TMEM131L: variants seen among roughly 807,000 people sequenced by gnomAD.
The protein encoded by TMEM131L is transmembrane 131 like, also known as transmembrane protein 131-like.
In TMEM131L, 54 loss-of-function variants were observed where a neutral mutation model predicts 192.2. The observed-to-expected ratio is 0.28, with a 90% CI of 0.23 to 0.35. The LOEUF (loss-of-function observed/expected upper bound fraction) is 0.35. TMEM131L is among the 10% of genes least tolerant of loss of function. The pLI, the probability that TMEM131L is intolerant of heterozygous loss-of-function variation, is 1.00. For missense variants in TMEM131L, 1,888 were observed against 1,972.9 expected (o/e 0.96, Z 0.82); for synonymous variants, 701 against 704.9 (o/e 0.99, Z 0.09).
Position 153,591,156 on chromosome 4 carries a change from A to C in TMEM131L, c.1774A>C (p.Met592Leu). 2 of 1,610,000 alleles carry C rather than the reference A, an allele frequency of 1.2e-6. No homozygotes were observed. Among genetic ancestry groups the C allele is most frequent in the Non-Finnish European group, 1.7e-6 (2 of 1,177,612 alleles). ...TCGTTTGATCGCAGAGCCTGGCCTC[A>C]TGTTAAACTTCAGCGCAACTGCCCT... is the stretch of plus-strand genomic sequence containing the variant. Reference protein sequence around the residue: ...LPRLIAEPGLMLNFSATALRS... With the variant: ...LPRLIAEPGLLLNFSATALRS... The change falls in exon 17 of 35, where the codon ATG becomes CTG. Residue 592 changes from methionine to leucine, a missense_variant. By Grantham distance (15) the Met-to-Leu change is conservative. Coordinates refer to ENST00000409959, the MANE Select transcript of TMEM131L (RefSeq NM_001131007.2).
intron 3 of TMEM131L, among the ~76,000 whole-genome samples, chr4:153,524,892 G>A (rs1735364890): frequency 6.6e-6 from 1 of 152,204 alleles, no homozygotes; most frequent in African/African-American, 2.4e-5. Flanking sequence ...TGGCCAGGAT[G>A]TAACCCTTCA....
intron 3 of TMEM131L, among the ~76,000 whole-genome samples, chr4:153,522,737 A>C (rs548119668): frequency 6.6e-6 from 1 of 152,346 alleles, no homozygotes; most frequent in African/African-American, 2.4e-5. Flanking sequence ...GAGCCTGCCC[A>C]GAAGGTGGTC....
intron 3 of TMEM131L, among the ~76,000 whole-genome samples, chr4:153,482,142 C>A (rs971956091): frequency 6.6e-6 from 1 of 152,188 alleles, no homozygotes; most frequent in South Asian, 2.1e-4. Context: ...CCGTGCCTGG[C>A]AGAGGCTGTA....
chr4:153,605,730 A>G (rs1378392686), intron 25 of TMEM131L, among the ~76,000 whole-genome samples: 11 of 152,228 alleles, frequency 7.2e-5, no homozygotes, highest in Non-Finnish European at 1.3e-4. Flanking sequence ...TCTAAATATA[A>G]CTTCATCTTT....
Position 153,586,405 on chromosome 4 carries a change from G to GTTA in TMEM131L, c.1482+27_1482+29dup, listed in dbSNP as rs775691727. 1.6e-5 allele frequency: 25 copies of GTTA among 1,515,564 alleles called. No individual in the cohort carries two copies. In the East Asian group the frequency reaches 6.1e-4, roughly 37 times the overall value. The allele number at this position is 1,515,564 out of a possible 1,614,324, so 93.9% of individuals were successfully genotyped here. ...GTATTTTCTACAATACTATATGTGT[G>GTTA]TTACAGTTTTCTTAATTACTGTTGC... On this transcript the variant is annotated intron_variant, in intron 14 of 34. Coordinates refer to ENST00000409959, the MANE Select transcript of TMEM131L (RefSeq NM_001131007.2).
chr4:153,564,071 C>T (rs766898338), intron 7 of TMEM131L, among the ~76,000 whole-genome samples: 28 of 151,680 alleles, frequency 1.8e-4, no homozygotes, highest in Non-Finnish European at 3.4e-4. Flanking sequence ...GGCAGATTAC[C>T]TGAGGTCAGG....
chr4:153,500,105 T>C (rs1424531793), intron 3 of TMEM131L, among the ~76,000 whole-genome samples: 1 of 151,968 alleles, frequency 6.6e-6, no homozygotes, highest in Non-Finnish European at 1.5e-5. Flanking sequence ...CTCCCTTCTT[T>C]CTTTTTGCAA....
Position 153,584,826 on chromosome 4 carries a change from A to G in TMEM131L, c.1061-9A>G. 1 of 1,604,650 alleles carries G rather than the reference A, an allele frequency of 6.2e-7. No individual in the cohort carries two copies. The highest frequency in any genetic ancestry group is 8.5e-7 in the Non-Finnish European group (1 of 1,171,542). On this transcript the variant is annotated splice_polypyrimidine_tract_variant and intron_variant, in intron 11 of 34. Coordinates refer to ENST00000409959, the MANE Select transcript of TMEM131L (RefSeq NM_001131007.2). ...TTAAGCTTCACATTTATTTCTTTATACCACAAAGCAGCTACATCATGTGAC... is the reference window on the plus strand; with the variant it reads ...TTAAGCTTCACATTTATTTCTTTATGCCACAAAGCAGCTACATCATGTGAC...
At chr4:153,614,038 G>A (rs1732805163) in intron 26 of TMEM131L, among the ~76,000 whole-genome samples, 1 of 152,188 alleles carries the variant, frequency 6.6e-6, no homozygotes, top group Non-Finnish European at 1.5e-5. Context: ...GTAGGCCAGG[G>A]TGCCGTGGAA....
intron 7 of TMEM131L, among the ~76,000 whole-genome samples, chr4:153,568,888 T>C (rs1399056931): frequency 2.6e-5 from 4 of 152,202 alleles, no homozygotes; most frequent in African/African-American, 9.6e-5. Flanking sequence ...TATTCTCCTG[T>C]ATCAGCCAGG....
chr4:153,517,125 A>G (rs1467522787), intron 3 of TMEM131L, among the ~76,000 whole-genome samples: 1 of 152,176 alleles, frequency 6.6e-6, no homozygotes, highest in Admixed American at 6.5e-5. Flanking sequence ...ACGCCTGGCC[A>G]GCTCATCTTT....
At position 153,591,050 on chromosome 4, in the gene TMEM131L, CAGG is replaced by C; in HGVS notation, c.1673_1675del (p.Arg558del). The C allele has an allele frequency of 6.6e-7, 1 of 1,526,352 alleles. No homozygotes were observed. The highest frequency in any genetic ancestry group is 2.4e-5 in the East Asian group (1 of 41,772). The allele number at this position is 1,526,352 out of a possible 1,614,324, so 94.6% of individuals were successfully genotyped here. On this transcript the variant is annotated splice_acceptor_variant and coding_sequence_variant, in exon 17 of 35. Coordinates refer to ENST00000409959, the MANE Select transcript of TMEM131L (RefSeq NM_001131007.2). LOFTEE classifies it high-confidence loss of function. ...CATAATAGTTTCTTTATCAATTAAA[CAGG>C]AGGAATGTTTTGGGAACAACTCGAT...
chr4:153,550,712 G>T (rs77101822), intron 4 of TMEM131L, among the ~76,000 whole-genome samples: 2 of 130,916 alleles, frequency 1.5e-5, no homozygotes, highest in Non-Finnish European at 3.0e-5. Flanking sequence ...AAACAAATCC[G>T]GTTATTTTAT....
intron 3 of TMEM131L, among the ~76,000 whole-genome samples, chr4:153,487,019 T>C (rs985650732): frequency 6.6e-6 from 1 of 152,164 alleles, no homozygotes; most frequent in African/African-American, 2.4e-5. Flanking sequence ...GGGAACTCGC[T>C]AGACTGGCCG....
intron 3 of TMEM131L, 76 bp downstream of exon 3, chr4:153,473,964 A>G (rs1203554830): frequency 2.3e-5 from 22 of 953,528 alleles, no homozygotes; most frequent in Non-Finnish European, 1.8e-5. Flanking sequence ...AAGTCTCAGT[A>G]TATGTCCATG....
chr4:153,537,788 T>C lies in TMEM131L; in HGVS notation c.240-12285T>C, dbSNP rs141841498. Among the ~76,000 whole-genome samples, 37 of 152,366 alleles carry C rather than the reference T, an allele frequency of 2.4e-4. No homozygotes were observed. The East Asian group carries it at 6.4e-3, about 26-fold the overall frequency. On this transcript the variant is annotated intron_variant, in intron 3 of 34. Coordinates refer to ENST00000409959, the MANE Select transcript of TMEM131L (RefSeq NM_001131007.2). ...AGCCCAGTAGGTTTCAGCCTCGTTT[T>C]ACCCAGCTCCTATTTAAGATGGAGT...
At chr4:153,507,090 G>A (rs989174277) in intron 3 of TMEM131L, among the ~76,000 whole-genome samples, 1 of 152,156 alleles carries the variant, frequency 6.6e-6, no homozygotes, top group Non-Finnish European at 1.5e-5. Context: ...GGGGGCAGAA[G>A]CAGAGTTGGG....
intron 3 of TMEM131L, among the ~76,000 whole-genome samples, chr4:153,482,983 GT>G (rs941927234): frequency 2.6e-5 from 4 of 151,858 alleles, no homozygotes; most frequent in Non-Finnish European, 5.9e-5. Context: ...ATATTGAAAG[GT>G]TATTTGAACC....
In TMEM131L at chr4:153,598,662, A is replaced by T; in HGVS notation, c.2196A>T (p.Gly732=). The change falls in exon 21 of 35, where the codon GGA becomes GGT. Residue 732 remains glycine, a synonymous_variant. Coordinates refer to ENST00000409959, the MANE Select transcript of TMEM131L (RefSeq NM_001131007.2). ...FGARELLKVG[G]RLPGAGGSLR... ...CAAGAGAGTTATTAAAAGTGGGTGG[A>T]AGACTTCCTGGTGCAGGAGGCTCAC... is the stretch of plus-strand genomic sequence containing the variant. The T allele has an allele frequency of 6.2e-7, 1 of 1,614,012 alleles. No homozygotes were observed. The highest frequency in any genetic ancestry group is 8.5e-7 in the Non-Finnish European group (1 of 1,179,920).
Sources: allele counts gnomAD v4.1 joint callset (sites outside exome capture counted in the v4.1 genomes callset), GRCh38; gene constraint gnomAD v4.1.1; transcripts MANE v1.5; gene names NCBI Gene and HGNC (gene_info 2026-07-23, HGNC 2026-07-21).